Variants in CLPSL1 observed in about 807,000 individuals in gnomAD.
CLPSL1 encodes colipase-like protein 1.
In CLPSL1, 13 loss-of-function variants were observed where a neutral mutation model predicts 9.3. The ratio of observed to expected loss-of-function variants is 1.40; its 90% confidence interval spans 0.91 to 2.22. CLPSL1 has a LOEUF of 2.22. Ranked by LOEUF, CLPSL1 falls within the 30% of genes most tolerant of loss-of-function variation. The pLI is 0.00. For missense variants in CLPSL1, 164 were observed against 146.6 expected (o/e 1.12, Z -0.61); for synonymous variants, 58 against 56.9 (o/e 1.02, Z -0.08).
Position 35,788,030 on chromosome 6 carries a change from C to T in CLPSL1, c.*20C>T, listed in dbSNP as rs369258241. ...TTCTAGTGCTCCCTCCTTCTTGCTGCCTCCTCCTCCTCCACCTGCTCTCCT... is the reference window on the plus strand; with the variant it reads ...TTCTAGTGCTCCCTCCTTCTTGCTGTCTCCTCCTCCTCCACCTGCTCTCCT... On this transcript the variant is annotated 3_prime_UTR_variant, in exon 3 of 3. Transcript: ENST00000373861. 1.9e-6 allele frequency: 3 copies of T among 1,553,620 alleles called. No individual in the cohort carries two copies. Among genetic ancestry groups the T allele is most frequent in the Non-Finnish European group, 2.7e-6 (3 of 1,127,276 alleles).
In CLPSL1 at chr6:35,787,100, G is replaced by C; in HGVS notation, c.202G>C (p.Gly68Arg). ...ESHCAEKGSE[G>R]SLCQTQVFFG... is the part of the protein sequence containing the mutation. ...GCACTGCGCGGAGAAGGGGTCCGAG[G>C]GCAGTCTGTGTCAAACGCAGGTGGG... is the stretch of plus-strand genomic sequence containing the variant. The change falls in exon 2 of 3, where the codon GGC (glycine) becomes CGC (arginine). Residue 68 changes from glycine to arginine, a missense_variant. By Grantham distance (125) the Gly-to-Arg change is moderately radical (BLOSUM62 -2). Transcript: ENST00000373861. 6.2e-7 allele frequency: 1 copy of C among 1,611,674 alleles called. No individual in the cohort carries two copies. The highest frequency in any genetic ancestry group is 8.5e-7 in the Non-Finnish European group (1 of 1,179,544).
intron 1 of CLPSL1, among the ~76,000 whole-genome samples, chr6:35,783,386 T>C (rs1441727211): frequency 6.6e-6 from 1 of 152,086 alleles, no homozygotes; most frequent in Non-Finnish European, 1.5e-5. Context: ...GGCACATGCC[T>C]ATAATCCCAG....
chr6:35,784,328 A>G (rs2151060308), intron 1 of CLPSL1, among the ~76,000 whole-genome samples: 1 of 152,324 alleles, frequency 6.6e-6, no homozygotes, highest in Non-Finnish European at 1.5e-5. Context: ...AGCCTCCAGT[A>G]ATAGGCTTCA....
intron 1 of CLPSL1, 94 bp from the exon 2 acceptor site, chr6:35,786,904 T>C: frequency 6.9e-7 from 1 of 1,450,288 alleles, no homozygotes; most frequent in Non-Finnish European, 9.3e-7. Flanking sequence ...GAGCAGAGTC[T>C]GGGGAGGAGC....
In CLPSL1 at chr6:35,788,009, A is replaced by G. The variant is rs761624310; in HGVS notation, c.365A>G (p.Ter122TrpextTer40). Residue 122 changes from the stop codon to tryptophan, a stop_lost, in exon 3 of 3, where the codon TAG (stop) becomes TGG (tryptophan). Transcript: ENST00000373861. ...AAGTTGGCTAAGAAAATGTTCTTCT[A>G]GTGCTCCCTCCTTCTTGCTGCCTCC... ...RQKLAKKMFF[*>W] 2.9e-5 allele frequency: 47 copies of G among 1,609,864 alleles called. No individual in the cohort carries two copies. The highest frequency in any genetic ancestry group is 5.0e-5 in the Admixed American group (3 of 59,976).
chr6:35,787,839 G>A, intron 2 of CLPSL1, 28 bp from the exon 3 acceptor site: 1 of 1,603,378 alleles, frequency 6.2e-7, no homozygotes, highest in Admixed American at 1.7e-5. Context: ...TGCCGCCAAG[G>A]TCGAGGTCAA....
In CLPSL1 at chr6:35,786,984, G is replaced by T; in HGVS notation, c.100-14G>T. ...GGGCGGTGGAGCCTGGCGGTGCCGT[G>T]TCCCTCCCTGCAGGAGCTCAAGGAG... On this transcript the variant is annotated splice_polypyrimidine_tract_variant and intron_variant, in intron 1 of 2. Coordinates refer to ENST00000373861, the MANE Select transcript of CLPSL1 (RefSeq NM_001010886.5). 2 of 1,567,560 alleles carry T rather than the reference G, an allele frequency of 1.3e-6. No individual in the cohort carries two copies. Among genetic ancestry groups the T allele is most frequent in the South Asian group, 2.3e-5 (2 of 85,350 alleles).
chr6:35,792,949 G>GC (rs1768248500), downstream of CLPSL1, among the ~76,000 whole-genome samples: 1 of 152,246 alleles, frequency 6.6e-6, no homozygotes, highest in South Asian at 2.1e-4. Context: ...AATAGCCATT[G>GC]CCCCCTTCCC....
chr6:35,787,899 C>A lies in CLPSL1; in HGVS notation c.255C>A (p.Cys85Ter). The stretch of plus-strand genomic sequence containing the variant: ...TTGGCCAATATAGAGCGTGTCCCTG[C>A]CTGCGGAACCTGACTTGTATATATT... Reference protein sequence around the residue: ...VFFGQYRACPCLRNLTCIYSK... With the variant: ...VFFGQYRACP Residue 85 changes from cysteine (C) to a stop codon, truncating the protein, a stop_gained, in exon 3 of 3, where the codon TGC becomes TGA. Transcript: ENST00000373861. LOFTEE classifies it low-confidence loss of function (END_TRUNC). The A allele has an allele frequency of 6.2e-7, 1 of 1,606,476 alleles. No homozygotes were observed. The highest frequency in any genetic ancestry group is 8.5e-7 in the Non-Finnish European group (1 of 1,173,170).
chr6:35,792,732 A>C (rs1479199125), downstream of CLPSL1, among the ~76,000 whole-genome samples: 1 of 152,274 alleles, frequency 6.6e-6, no homozygotes, highest in East Asian at 1.9e-4. Flanking sequence ...TGCCCCCCAC[A>C]GTCCAAAACA....
chr6:35,790,511 G>A (rs1156510481), downstream of CLPSL1, among the ~76,000 whole-genome samples: 1 of 152,260 alleles, frequency 6.6e-6, no homozygotes, highest in African/African-American at 2.4e-5. Flanking sequence ...TCAGAATGTA[G>A]GGAAGTTCAT....
intron 1 of CLPSL1, among the ~76,000 whole-genome samples, chr6:35,785,655 C>T (rs1768053777): frequency 1.3e-5 from 2 of 152,146 alleles, no homozygotes; most frequent in South Asian, 4.1e-4. Flanking sequence ...TCCCTGGAGC[C>T]TAACTGCCAA....
chr6:35,788,070 CTG>C lies in CLPSL1; in HGVS notation c.*64_*65del. ...CCTGCTCTCCTCCCTACCCAGAGCT[CTG>C]TGTTCACCCTGTTCCCCAGAGCCTC... On this transcript the variant is annotated 3_prime_UTR_variant, in exon 3 of 3. Coordinates refer to ENST00000373861, the MANE Select transcript of CLPSL1 (RefSeq NM_001010886.5). 1 of 1,320,324 alleles carries C rather than the reference CTG, an allele frequency of 7.6e-7. No individual in the cohort carries two copies. The highest frequency in any genetic ancestry group is 1.1e-6 in the Non-Finnish European group (1 of 922,102). 81.8% of individuals were successfully genotyped at this position (1,320,324 alleles called of 1,614,324 possible). A position where few individuals can be genotyped will look rare whatever the true frequency, so the allele number is the denominator to read the frequency against.
intron 1 of CLPSL1, among the ~76,000 whole-genome samples, chr6:35,784,734 C>CT (rs1002467026): frequency 6.6e-6 from 1 of 152,196 alleles, no homozygotes; most frequent in Non-Finnish European, 1.5e-5. Context: ...ACTCCTGTCT[C>CT]TTACTGGTGG....
intron 1 of CLPSL1, among the ~76,000 whole-genome samples, chr6:35,785,023 C>G (rs984127409): frequency 6.6e-6 from 1 of 152,088 alleles, no homozygotes; most frequent in Non-Finnish European, 1.5e-5. Context: ...TCGTGTGCCT[C>G]TCTCCCCTGA....
chr6:35,787,306 C>G (rs964876914), intron 2 of CLPSL1, among the ~76,000 whole-genome samples, 186 bp downstream of exon 2: 2 of 152,270 alleles, frequency 1.3e-5, no homozygotes, highest in African/African-American at 4.8e-5. Context: ...TATGGTAGCC[C>G]ACCCTAGGGT....
chr6:35,791,500 C>T (rs954803685), downstream of CLPSL1, among the ~76,000 whole-genome samples: 3 of 151,412 alleles, frequency 2.0e-5, no homozygotes, highest in Admixed American at 6.6e-5. Context: ...CCCAGCTACT[C>T]GGGAGGCTGA....
downstream of CLPSL1, among the ~76,000 whole-genome samples, chr6:35,792,298 C>T (rs375521360): frequency 6.6e-5 from 10 of 152,194 alleles, no homozygotes; most frequent in Admixed American, 2.6e-4. Flanking sequence ...GTATTTAATA[C>T]ACCTAACCTA....
downstream of CLPSL1, among the ~76,000 whole-genome samples, chr6:35,789,814 A>G (rs1401194680): frequency 1.3e-5 from 2 of 152,218 alleles, no homozygotes; most frequent in Non-Finnish European, 2.9e-5. Context: ...GAATCACTTG[A>G]ACCTGGGAGG....
Sources: gnomAD v4.1 joint callset for allele counts (sites outside exome capture counted in the v4.1 genomes callset) on GRCh38, gnomAD v4.1.1 for gene constraint, MANE v1.5 for transcripts, NCBI Gene and HGNC (gene_info 2026-07-23, HGNC 2026-07-21) for gene names.